The following TSC22D2 variants were observed in gnomAD, a reference collection of about 807,000 sequenced individuals.
The protein encoded by TSC22D2 is TSC22 domain family member 2.
In TSC22D2, 5 loss-of-function variants were observed where a neutral mutation model predicts 50.1. The ratio of observed to expected loss-of-function variants is 0.10; its 90% CI spans 0.05 to 0.21. The LOEUF (loss-of-function observed/expected upper bound fraction) is 0.21. TSC22D2 is among the 10% of genes least tolerant of loss of function. The probability of loss-of-function intolerance (pLI) is 1.00; values close to 1 mark genes in which losing one functional copy is unlikely to be tolerated. For missense variants in TSC22D2, 1,003 were observed against 1,015.5 expected, an observed-to-expected ratio of 0.99 and a Z score of 0.17; for synonymous variants, 501 against 450.1, an observed-to-expected ratio of 1.11 and a Z score of -1.43.
intron 1 of TSC22D2, among the ~76,000 whole-genome samples, chr3:150,455,042 A>G (rs999237260): frequency 5.3e-5 from 8 of 152,194 alleles, no homozygotes; most frequent in Admixed American, 3.3e-4. Context: ...GTTAGTATTT[A>G]AGGTGTGCTA....
Position 150,410,098 on chromosome 3 carries a change from T to C in TSC22D2, c.748T>C (p.Ser250Pro), listed in dbSNP as rs778738579. 13 of 1,612,556 alleles carry C rather than the reference T, an allele frequency of 8.1e-6. No individual in the cohort carries two copies. In the East Asian group the frequency reaches 2.9e-4, roughly 36 times the overall value. ...AACTGACAGCTCCTTGACTGCTGTG[T>C]CACAGCTACCCCCGTCGGAGAAAAT... ...SGTDSSLTAV[S>P]QLPPSEKMSQ... Residue 250 changes from serine (S) to proline (P), a missense_variant, in exon 1 of 3, where the codon TCA becomes CCA. Transcript: ENST00000688009.
intron 1 of TSC22D2, 66 bp from the exon 2 acceptor site, chr3:150,457,010 A>G (rs1055589747): frequency 5.7e-6 from 8 of 1,399,288 alleles, no homozygotes; most frequent in East Asian, 2.3e-5. Context: ...TGTCTTTTAC[A>G]TTCTTTTAAG....
In TSC22D2 at chr3:150,466,191, TCACACAC is replaced by T. The variant is rs1721538284; in HGVS notation, c.*7556_*7562del. The stretch of plus-strand genomic sequence containing the variant: ...ATGATACTAGTGATGTTAAATCACA[TCACACAC>T]ACACACACACACACACACACACACA... On this transcript the variant is annotated 3_prime_UTR_variant, in exon 3 of 3. Coordinates refer to ENST00000688009, the MANE Select transcript of TSC22D2 (RefSeq NM_001303264.2). 6.8e-6 allele frequency: 1 copy of T among 146,050 alleles called. No homozygotes were observed. Among genetic ancestry groups the T allele is most frequent in the South Asian group, 2.2e-4 (1 of 4,566 alleles). The allele number at this position is 146,050 out of a possible 1,614,324, so 9.0% of individuals were successfully genotyped here.
chr3:150,441,870 TC>T, intron 1 of TSC22D2, among the ~76,000 whole-genome samples: 1 of 152,256 alleles, frequency 6.6e-6, no homozygotes, highest in East Asian at 1.9e-4. Context: ...CTATAGGAAG[TC>T]ACCTGTATGC....
chr3:150,416,302 G>A (rs1377905715), intron 1 of TSC22D2, among the ~76,000 whole-genome samples: 1 of 152,120 alleles, frequency 6.6e-6, no homozygotes, highest in African/African-American at 2.4e-5. Flanking sequence ...AAAGTATGAG[G>A]AAGGAGAGGC....
chr3:150,452,444 T>C (rs1308929895), intron 1 of TSC22D2, among the ~76,000 whole-genome samples: 2 of 148,130 alleles, frequency 1.4e-5, no homozygotes, highest in South Asian at 4.2e-4. Flanking sequence ...AAACTCTGTC[T>C]CAAAAAAAAA....
At chr3:150,442,534 A>T (rs1406652232) in intron 1 of TSC22D2, among the ~76,000 whole-genome samples, 1 of 152,254 alleles carries the variant, frequency 6.6e-6, no homozygotes, top group Non-Finnish European at 1.5e-5. Context: ...TTTGACCACT[A>T]TAAATTATTA....
intron 1 of TSC22D2, among the ~76,000 whole-genome samples, chr3:150,425,645 A>G (rs1189736072): frequency 6.6e-6 from 1 of 152,184 alleles, no homozygotes; most frequent in African/African-American, 2.4e-5. Context: ...GCTCCTATTT[A>G]TGAAATGTTG....
chr3:150,419,553 G>A (rs1241713755), intron 1 of TSC22D2, among the ~76,000 whole-genome samples: 1 of 152,078 alleles, frequency 6.6e-6, no homozygotes, highest in African/African-American at 2.4e-5. Context: ...GGTGTTTGTT[G>A]AGTGCTCAAG....
chr3:150,411,039 A>G lies in TSC22D2; in HGVS notation c.1689A>G (p.Pro563=), dbSNP rs750130609. 5 of 1,614,206 alleles carry G rather than the reference A, an allele frequency of 3.1e-6. No individual in the cohort carries two copies. The Admixed American group carries it at 6.7e-5, about 22-fold the overall frequency. Residue 563 remains proline, a synonymous_variant, in exon 1 of 3, where the codon CCA becomes CCG. Coordinates refer to ENST00000688009, the MANE Select transcript of TSC22D2 (RefSeq NM_001303264.2). ...AGCATGTTGGGCTGCCCTTAGCGCC[A>G]GGCACACACAGCGCACCAACAAGTC... ...IIQHVGLPLA[P]GTHSAPTSLP...
intron 1 of TSC22D2, among the ~76,000 whole-genome samples, chr3:150,450,246 A>G (rs934076868): frequency 3.3e-5 from 5 of 152,128 alleles, no homozygotes; most frequent in Non-Finnish European, 7.4e-5. Context: ...AGATGCTGAC[A>G]ATAAATATCA....
chr3:150,419,216 C>T (rs879341902), intron 1 of TSC22D2, among the ~76,000 whole-genome samples: 1 of 152,008 alleles, frequency 6.6e-6, no homozygotes, highest in Non-Finnish European at 1.5e-5. Context: ...GAAACTGAGA[C>T]TCTTAAAATT....
intron 1 of TSC22D2, among the ~76,000 whole-genome samples, chr3:150,426,652 G>A (rs1720201689): frequency 6.6e-6 from 1 of 152,138 alleles, no homozygotes; most frequent in African/African-American, 2.4e-5. Context: ...ATGCATAAAT[G>A]TACTTAAAAC....
At chr3:150,413,692 G>A (rs1719680474) in intron 1 of TSC22D2, among the ~76,000 whole-genome samples, 1 of 151,470 alleles carries the variant, frequency 6.6e-6, no homozygotes, top group Non-Finnish European at 1.5e-5. Flanking sequence ...TACTTTTGAG[G>A]AGACTACTAT....
chr3:150,418,716 G>A (rs1431804106), intron 1 of TSC22D2, among the ~76,000 whole-genome samples: 1 of 151,928 alleles, frequency 6.6e-6, no homozygotes, highest in Non-Finnish European at 1.5e-5. Flanking sequence ...GAACCAGAGT[G>A]AAGGACTTTA....
intron 1 of TSC22D2, among the ~76,000 whole-genome samples, chr3:150,451,499 C>A (rs2108101023): frequency 6.6e-6 from 1 of 152,320 alleles, no homozygotes. Context: ...GGTTTCACAA[C>A]TTAACATTTG....
Position 150,458,709 on chromosome 3 carries a change from T to C in TSC22D2, c.*73T>C. On this transcript the variant is annotated 3_prime_UTR_variant, in exon 3 of 3. Coordinates refer to ENST00000688009, the MANE Select transcript of TSC22D2 (RefSeq NM_001303264.2). The stretch of plus-strand genomic sequence containing the variant: ...TGTGTGCCACTGGTGTTCTTTCCAC[T>C]TTATACGAAAGCAAGTAGCCATGCT... 2 of 1,565,152 alleles carry C rather than the reference T, an allele frequency of 1.3e-6. No homozygotes were observed. Among genetic ancestry groups the C allele is most frequent in the East Asian group, 2.3e-5 (1 of 44,444 alleles).
chr3:150,457,882 C>T (rs1359635112), intron 2 of TSC22D2, among the ~76,000 whole-genome samples: 5 of 152,122 alleles, frequency 3.3e-5, no homozygotes, highest in Non-Finnish European at 5.9e-5. Context: ...GTGATCTACA[C>T]GCCTCAGCCT....
intron 1 of TSC22D2, among the ~76,000 whole-genome samples, chr3:150,426,483 T>C (rs1720195181): frequency 6.6e-6 from 1 of 152,202 alleles, no homozygotes; most frequent in South Asian, 2.1e-4. Context: ...CGTAAGGGTT[T>C]ATAGCAAACA....
Sources: gnomAD v4.1 joint callset for allele counts (sites outside exome capture counted in the v4.1 genomes callset) on GRCh38, gnomAD v4.1.1 for gene constraint, MANE v1.5 for transcripts, NCBI Gene and HGNC (gene_info 2026-07-23, HGNC 2026-07-21) for gene names.